The following BOLL variants were observed in gnomAD, a reference collection of about 807,000 sequenced individuals.
BOLL encodes boule RNA binding protein.
BOLL carries 23 observed loss-of-function variants against 44.4 expected under a neutral mutation model. The observed-to-expected ratio is 0.52, with a 90% CI of 0.37 to 0.73. The LOEUF (loss-of-function observed/expected upper bound fraction) is 0.73. Among genes scored for constraint, BOLL ranks in the 30% least tolerant of loss-of-function variants. BOLL has a pLI of 0.00. For missense variants in BOLL, 287 were observed against 338.3 expected, an observed-to-expected ratio of 0.85 and a Z score of 1.19; for synonymous variants, 97 against 110.8, an observed-to-expected ratio of 0.88 and a Z score of 0.78.
At chr2:197,772,006 T>A (rs1439044003) in intron 5 of BOLL, 24 bp from the exon 6 acceptor site, 2 of 1,516,282 alleles carry the variant, frequency 1.3e-6, no homozygotes, top group East Asian at 4.7e-5. Flanking sequence ...TAAATAATAA[T>A]AATTGAAATG....
chr2:197,750,391 T>C (rs1461894569), intron 9 of BOLL, among the ~76,000 whole-genome samples: 3 of 152,090 alleles, frequency 2.0e-5, no homozygotes, highest in African/African-American at 7.2e-5. Flanking sequence ...TGTGCTATAT[T>C]CAGGAGACCC....
upstream of BOLL, chr2:197,786,125 G>A: frequency 7.2e-7 from 1 of 1,391,688 alleles, no homozygotes; most frequent in African/African-American, 1.5e-5. This position sits in a 1 kb window ranked among gnomAD's most constrained non-coding sequence, Gnocchi z 5.9. Context: ...TGGCGGCGAG[G>A]GTGGCTGTGG....
At chr2:197,767,070 T>C (rs1689033542) in intron 6 of BOLL, among the ~76,000 whole-genome samples, 1 of 152,044 alleles carries the variant, frequency 6.6e-6, no homozygotes, top group Non-Finnish European at 1.5e-5. Context: ...GTTATACCTA[T>C]AATTAAAGCA....
At chr2:197,785,899 C>T, upstream of BOLL, 1 of 1,177,642 alleles carries the variant, frequency 8.5e-7, no homozygotes, top group Non-Finnish European at 1.3e-6. This position sits in a 1 kb window ranked among gnomAD's most constrained non-coding sequence, Gnocchi z 6.7. Context: ...CTTCACCTCG[C>T]CCCTCCAAGC....
chr2:197,734,694 C>A (rs1450098953), intron 10 of BOLL, among the ~76,000 whole-genome samples: 1 of 152,110 alleles, frequency 6.6e-6, no homozygotes, highest in Non-Finnish European at 1.5e-5. Context: ...TCATTCTCAG[C>A]AAACTATTGC....
At chr2:197,768,462 A>G (rs1399878066) in intron 6 of BOLL, among the ~76,000 whole-genome samples, 1 of 151,852 alleles carries the variant, frequency 6.6e-6, no homozygotes, top group East Asian at 1.9e-4. Flanking sequence ...AGATTTCAAG[A>G]CTCGTTATAA....
intron 7 of BOLL, among the ~76,000 whole-genome samples, chr2:197,763,461 G>A (rs1241008814): frequency 4.8e-5 from 7 of 145,894 alleles, no homozygotes; most frequent in Non-Finnish European, 8.9e-5. Context: ...TCCAGCCTGG[G>A]CGACAGAGAG....
chr2:197,747,987 G>T (rs377115017), intron 9 of BOLL, among the ~76,000 whole-genome samples: 2 of 152,170 alleles, frequency 1.3e-5, no homozygotes, highest in Non-Finnish European at 2.9e-5. Context: ...GCTCTGGTCC[G>T]CAGCTTCCAG....
Position 197,775,145 on chromosome 2 carries a change from A to T in BOLL, c.352+520T>A, listed in dbSNP as rs796213594. On this transcript the variant is annotated intron_variant, in intron 5 of 10. Coordinates refer to ENST00000392296, the MANE Select transcript of BOLL (RefSeq NM_033030.6). ...AAAGATAGAATTGAAAGCATTAGAG[A>T]AATTTGAGGAAGGTAGATACATAAT... Among the ~76,000 whole-genome samples, 16 of 151,918 alleles carry T rather than the reference A, an allele frequency of 1.1e-4. 1 individual carries two copies. The highest frequency in any genetic ancestry group is 3.6e-4 in the African/African-American group (15 of 41,520).
intron 7 of BOLL, 149 bp downstream of exon 7, chr2:197,766,383 G>A (rs895064656): frequency 4.2e-5 from 29 of 698,648 alleles, no homozygotes. Context: ...GGTGTGAGAT[G>A]GTATATCAAT....
intron 10 of BOLL, among the ~76,000 whole-genome samples, chr2:197,736,722 T>C (rs1366428930): frequency 6.6e-6 from 1 of 152,148 alleles, no homozygotes; most frequent in Non-Finnish European, 1.5e-5. Flanking sequence ...TAATTTTGCT[T>C]GAGGCATGAT....
intron 9 of BOLL, among the ~76,000 whole-genome samples, chr2:197,746,807 G>A (rs1688004371): frequency 6.6e-6 from 1 of 151,520 alleles, no homozygotes; most frequent in African/African-American, 2.4e-5. Flanking sequence ...GGCTGGGACA[G>A]GGGGATCGCT....
rs1378913178 is a variant in BOLL at position 197,728,370 on chromosome 2, C to G, written c.*185G>C. 2.1e-6 allele frequency: 2 copies of G among 939,010 alleles called. No homozygotes were observed. Among genetic ancestry groups the G allele is most frequent in the East Asian group, 5.3e-5 (2 of 37,576 alleles). 58.2% of individuals were successfully genotyped at this position (939,010 alleles called of 1,614,324 possible). A position where few individuals can be genotyped will look rare whatever the true frequency, so the allele number is the denominator to read the frequency against. On this transcript the variant is annotated 3_prime_UTR_variant, in exon 11 of 11. Transcript: ENST00000392296. ...CTACCTAAATAATTTTGTAGAACAG[C>G]TGAAAAAGCAAATTTCATCAAATTT...
chr2:197,760,913 C>G (rs1010174046), intron 7 of BOLL, among the ~76,000 whole-genome samples: 4 of 151,924 alleles, frequency 2.6e-5, no homozygotes, highest in African/African-American at 9.7e-5. Context: ...GAAATCTTAC[C>G]AGGGAGAATG....
chr2:197,744,018 C>T (rs892229999), intron 9 of BOLL, among the ~76,000 whole-genome samples: 8 of 152,136 alleles, frequency 5.3e-5, no homozygotes, highest in Non-Finnish European at 4.4e-5. Flanking sequence ...ACCGTGTTAG[C>T]CAGGATGGTC....
At chr2:197,782,772 T>C (rs1689848148) in intron 1 of BOLL, among the ~76,000 whole-genome samples, 1 of 152,200 alleles carries the variant, frequency 6.6e-6, no homozygotes, top group African/African-American at 2.4e-5. Flanking sequence ...ACATTCACCA[T>C]TTTCAGCCTG....
intron 7 of BOLL, among the ~76,000 whole-genome samples, chr2:197,763,490 A>AG (rs1489678717): frequency 4.0e-5 from 6 of 151,544 alleles, no homozygotes; most frequent in Non-Finnish European, 7.4e-5. Flanking sequence ...AAAAAAAAAA[A>AG]AAAAAAAGAA....
At chr2:197,733,726 T>G (rs1687328147) in intron 10 of BOLL, among the ~76,000 whole-genome samples, 1 of 152,098 alleles carries the variant, frequency 6.6e-6, no homozygotes, top group Non-Finnish European at 1.5e-5. Flanking sequence ...ATTCCCTATT[T>G]AATAAATGGT....
At chr2:197,746,202 T>C (rs1687979737) in intron 9 of BOLL, among the ~76,000 whole-genome samples, 1 of 152,136 alleles carries the variant, frequency 6.6e-6, no homozygotes, top group South Asian at 2.1e-4. Flanking sequence ...CTGGTGGGAA[T>C]GTAAATTAGT....
Sources: gnomAD v4.1 joint callset for allele counts (sites outside exome capture counted in the v4.1 genomes callset) on GRCh38, gnomAD v4.1.1 for gene constraint, Gnocchi (gnomAD v3.1) non-coding constraint, MANE v1.5 for transcripts, NCBI Gene and HGNC (gene_info 2026-07-23, HGNC 2026-07-21) for gene names.